MAPK10: variants seen among roughly 807,000 people sequenced by gnomAD.
The protein encoded by MAPK10 is mitogen-activated protein kinase 10, also known as JNK3 alpha protein kinase.
A neutral mutation model predicts 59.3 loss-of-function variants in MAPK10; 25 were observed. That is an observed-to-expected ratio of 0.42 (90% CI 0.31 to 0.59). The LOEUF (loss-of-function observed/expected upper bound fraction) is 0.59, where lower values mean the gene tolerates loss of function less well. Ranked by LOEUF, MAPK10 falls within the 20% of genes least tolerant of loss-of-function variation. The probability of loss-of-function intolerance (pLI) is 0.15; values close to 1 mark genes in which losing one functional copy is unlikely to be tolerated. For synonymous variants in MAPK10, 190 were observed against 200.5 expected (o/e 0.95, Z 0.44); for missense variants, 351 against 568.9 (o/e 0.62, Z 3.90).
At chr4:86,293,039 T>C (rs769325119) in intron 2 of MAPK10, among the ~76,000 whole-genome samples, 3 of 152,216 alleles carry the variant, frequency 2.0e-5, no homozygotes, top group Non-Finnish European at 4.4e-5. Flanking sequence ...TCTCCACATC[T>C]ACAAATACAA....
intron 1 of MAPK10, among the ~76,000 whole-genome samples, chr4:86,410,460 T>C (rs561192667): frequency 1.3e-5 from 2 of 152,336 alleles, no homozygotes; most frequent in African/African-American, 4.8e-5. Flanking sequence ...TTGATTGGAA[T>C]AGTTTCAGAA....
At chr4:86,434,786 T>C (rs1002406227) in intron 1 of MAPK10, among the ~76,000 whole-genome samples, 4 of 152,212 alleles carry the variant, frequency 2.6e-5, no homozygotes, top group South Asian at 2.1e-4. Flanking sequence ...AGCGGTCCCA[T>C]TGCTGGGTAT....
At chr4:86,021,082 A>G (rs1205569323) in intron 13 of MAPK10, among the ~76,000 whole-genome samples, 2 of 152,168 alleles carry the variant, frequency 1.3e-5, no homozygotes, top group African/African-American at 4.8e-5. Context: ...ATCAGATTAG[A>G]TACAGAGTAT....
intron 11 of MAPK10, chr4:86,044,469 C>A (rs1233844378): frequency 6.0e-6 from 2 of 331,624 alleles, no homozygotes; most frequent in Non-Finnish European, 1.1e-5. Context: ...AGTAGAGAAG[C>A]AAGTCTTGTC....
intron 2 of MAPK10, among the ~76,000 whole-genome samples, chr4:86,277,732 AC>A (rs1178417831): frequency 6.6e-6 from 1 of 152,124 alleles, no homozygotes; most frequent in Non-Finnish European, 1.5e-5. Flanking sequence ...GGCACATCAA[AC>A]ATTGGCTTAT....
At chr4:86,255,967 T>C (rs1321158602) in intron 2 of MAPK10, among the ~76,000 whole-genome samples, 2 of 151,558 alleles carry the variant, frequency 1.3e-5, no homozygotes, top group African/African-American at 2.4e-5. Flanking sequence ...AATTAAAAAA[T>C]GGAAGAAGGG....
At chr4:86,159,207 A>G in intron 4 of MAPK10, 91 bp downstream of exon 4, 1 of 990,748 alleles carries the variant, frequency 1.0e-6, no homozygotes, top group Non-Finnish European at 1.4e-6. Flanking sequence ...TATGCTATTT[A>G]TTTTGGGGAT....
chr4:86,272,804 G>C (rs1376721951), intron 2 of MAPK10, among the ~76,000 whole-genome samples: 1 of 152,050 alleles, frequency 6.6e-6, no homozygotes, highest in African/African-American at 2.4e-5. Context: ...AGCCATAGGA[G>C]GTCTCATAGG....
chr4:86,387,830 C>A (rs1225001442), intron 1 of MAPK10, among the ~76,000 whole-genome samples: 1 of 151,750 alleles, frequency 6.6e-6, no homozygotes, highest in Non-Finnish European at 1.5e-5. Context: ...TATGTTTTAA[C>A]TGGATCTATC....
At chr4:86,564,918 G>A (rs1760950029) in intron 1 of MAPK10, among the ~76,000 whole-genome samples, 1 of 152,090 alleles carries the variant, frequency 6.6e-6, no homozygotes, top group Non-Finnish European at 1.5e-5. Context: ...GGAAGTTCAA[G>A]GGCCTCCCAC....
chr4:86,316,541 A>G (rs1360178931), intron 2 of MAPK10, among the ~76,000 whole-genome samples: 2 of 152,194 alleles, frequency 1.3e-5, no homozygotes, highest in Non-Finnish European at 2.9e-5. Flanking sequence ...ATGCACACAG[A>G]AAAACACTAT....
intron 1 of MAPK10, among the ~76,000 whole-genome samples, chr4:86,516,830 TCTAG>T (rs1756702306): frequency 6.6e-6 from 1 of 152,224 alleles, no homozygotes; most frequent in Non-Finnish European, 1.5e-5. Context: ...TTTAGGGTTT[TCTAG>T]CTATGCAATC....
chr4:86,409,039 T>TA (rs1744775138), intron 1 of MAPK10, among the ~76,000 whole-genome samples: 1 of 152,158 alleles, frequency 6.6e-6, no homozygotes, highest in Admixed American at 6.6e-5. Flanking sequence ...TTTTAGTTCT[T>TA]ACATTTAAGT....
At chr4:86,041,803 TA>T (rs1372477103) in intron 11 of MAPK10, among the ~76,000 whole-genome samples, 1 of 151,962 alleles carries the variant, frequency 6.6e-6, no homozygotes, top group African/African-American at 2.4e-5. Flanking sequence ...TGGTGATTAT[TA>T]AAAAGGAAAC....
At chr4:86,332,894 C>T (rs1320465689) in intron 2 of MAPK10, among the ~76,000 whole-genome samples, 1 of 152,118 alleles carries the variant, frequency 6.6e-6, no homozygotes, top group Non-Finnish European at 1.5e-5. Context: ...GGTTTTGCAT[C>T]CAAATTTAAG....
intron 12 of MAPK10, 101 bp from the exon 13 acceptor site, chr4:86,029,375 G>A (rs987704198): frequency 1.4e-6 from 1 of 702,684 alleles, no homozygotes; most frequent in Non-Finnish European, 2.5e-6. Flanking sequence ...ATGGGGTTGA[G>A]TAAATTAAAA....
intron 1 of MAPK10, among the ~76,000 whole-genome samples, chr4:86,443,472 C>T (rs1749657615): frequency 6.6e-6 from 1 of 152,116 alleles, no homozygotes; most frequent in Non-Finnish European, 1.5e-5. Flanking sequence ...AACTCCAGCT[C>T]CCTCTAGCTA....
Position 86,017,085 on chromosome 4 carries a change from T to G in MAPK10, c.*143A>C. On this transcript the variant is annotated 3_prime_UTR_variant, in exon 14 of 14. Coordinates refer to ENST00000641462, the MANE Select transcript of MAPK10 (RefSeq NM_138982.4). The surrounding 1 kb of genome is among the most constrained non-coding windows in gnomAD (Gnocchi z 4.4). ...GGGAAGAAGCAGGCTGAAAGATTTA[T>G]TTAATTTTAGGCTTGGATTCTCTCC... The G allele has an allele frequency of 1.2e-5, 11 of 902,292 alleles. No homozygotes were observed. The highest frequency in any genetic ancestry group is 1.8e-5 in the Non-Finnish European group (11 of 598,674). 55.9% of individuals were successfully genotyped at this position (902,292 alleles called of 1,614,324 possible). A position where few individuals can be genotyped will look rare whatever the true frequency, so the allele number is the denominator to read the frequency against.
intron 1 of MAPK10, among the ~76,000 whole-genome samples, chr4:86,365,467 A>T (rs1268336443): frequency 6.9e-6 from 1 of 145,140 alleles, no homozygotes; most frequent in Non-Finnish European, 1.5e-5. Context: ...AAAAAAAAAA[A>T]ATTCTCACCT....
Sources: gnomAD v4.1 joint callset for allele counts (sites outside exome capture counted in the v4.1 genomes callset) on GRCh38, gnomAD v4.1.1 for gene constraint, Gnocchi (gnomAD v3.1) non-coding constraint, MANE v1.5 for transcripts, NCBI Gene and HGNC (gene_info 2026-07-23, HGNC 2026-07-21) for gene names.